The following ENTREP2 variants were observed in gnomAD, a reference collection of about 807,000 sequenced individuals.
ENTREP2 encodes endosomal transmembrane epsin interactor 2.
the ENTREP2 span, among the ~76,000 whole-genome samples, chr15:29,568,022 G>C: frequency 1.3e-5 from 2 of 152,124 alleles, no homozygotes; most frequent in Non-Finnish European, 1.5e-5. Context: ...AATCTCAGAG[G>C]GCAGGCATAT....
chr15:29,652,699 A>G, the ENTREP2 span, among the ~76,000 whole-genome samples: 2 of 152,214 alleles, frequency 1.3e-5, no homozygotes, highest in African/African-American at 4.8e-5. Context: ...GCAGCCTTGC[A>G]GAGAGCTGCT....
At chr15:29,221,581 T>C in the ENTREP2 span, among the ~76,000 whole-genome samples, 142 of 152,280 alleles carry the variant, frequency 9.3e-4, 1 homozygote, top group African/African-American at 3.3e-3. Context: ...CTGGCACTCC[T>C]GAGGCACTCT....
the ENTREP2 span, among the ~76,000 whole-genome samples, chr15:29,386,633 C>A: frequency 6.6e-6 from 1 of 152,156 alleles, no homozygotes; most frequent in Non-Finnish European, 1.5e-5. Context: ...GAATCCCTAA[C>A]CCGCAATGTA....
At chr15:29,408,415 C>A in the ENTREP2 span, among the ~76,000 whole-genome samples, 1 of 70,334 alleles carries the variant, frequency 1.4e-5, no homozygotes, top group African/African-American at 1.3e-4. Flanking sequence ...GTAACAGATC[C>A]CAAAAGGAGG....
At chr15:29,457,111 C>A in the ENTREP2 span, among the ~76,000 whole-genome samples, 5,742 of 152,274 alleles carry the variant, frequency 0.038, 388 homozygotes, top group African/African-American at 0.13. Context: ...GAAGGAACTG[C>A]CTTCCCTAGA....
At chr15:29,575,675 G>A in the ENTREP2 span, among the ~76,000 whole-genome samples, 8 of 152,138 alleles carry the variant, frequency 5.3e-5, no homozygotes, top group Non-Finnish European at 8.8e-5. Flanking sequence ...CCAGGTACAA[G>A]ATCAACACAT....
the ENTREP2 span, among the ~76,000 whole-genome samples, chr15:29,656,510 G>A: frequency 2.0e-5 from 3 of 152,128 alleles, no homozygotes; most frequent in Non-Finnish European, 4.4e-5. Flanking sequence ...TACAGGCGTG[G>A]GCCACTGTGC....
chr15:29,244,311 G>A, the ENTREP2 span, among the ~76,000 whole-genome samples: 2 of 152,204 alleles, frequency 1.3e-5, no homozygotes, highest in Non-Finnish European at 2.9e-5. Context: ...GCATCTCTCA[G>A]AAGCTGATGG....
the ENTREP2 span, among the ~76,000 whole-genome samples, chr15:29,303,063 T>A: frequency 6.6e-6 from 1 of 152,042 alleles, no homozygotes; most frequent in African/African-American, 2.4e-5. Flanking sequence ...TCGGAGCCAC[T>A]TTGCATCCAC....
the ENTREP2 span, among the ~76,000 whole-genome samples, chr15:29,309,678 AC>A: frequency 6.6e-6 from 1 of 151,754 alleles, no homozygotes; most frequent in African/African-American, 2.4e-5. Flanking sequence ...AATCTCAGCT[AC>A]TTGGGAGGCT....
At chr15:29,211,813 T>A in the ENTREP2 span, among the ~76,000 whole-genome samples, 29 of 152,218 alleles carry the variant, frequency 1.9e-4, no homozygotes, top group Non-Finnish European at 3.4e-4. Flanking sequence ...CATTTCTGCA[T>A]CCCTGGTATG....
At chr15:29,535,131 T>C in the ENTREP2 span, among the ~76,000 whole-genome samples, 23 of 152,172 alleles carry the variant, frequency 1.5e-4, no homozygotes, top group Admixed American at 1.1e-3. Context: ...AAGCCTGTAG[T>C]CCTAGCTGCT....
chr15:29,220,404 A>G, the ENTREP2 span, among the ~76,000 whole-genome samples: 2 of 152,214 alleles, frequency 1.3e-5, no homozygotes, highest in African/African-American at 2.4e-5. Flanking sequence ...ATTTATTATT[A>G]TATTTTATGC....
At chr15:29,399,955 G>A in the ENTREP2 span, among the ~76,000 whole-genome samples, 1 of 152,092 alleles carries the variant, frequency 6.6e-6, no homozygotes, top group African/African-American at 2.4e-5. Flanking sequence ...GCCATTTCAG[G>A]GTGGCAGAGG....
chr15:29,331,942 T>C, the ENTREP2 span, among the ~76,000 whole-genome samples: 12 of 152,004 alleles, frequency 7.9e-5, 1 homozygote, highest in Non-Finnish European at 1.5e-5. Context: ...CACCGAATCA[T>C]CCCCAAAACC....
At chr15:29,146,017 T>C in the ENTREP2 span, among the ~76,000 whole-genome samples, 1 of 152,204 alleles carries the variant, frequency 6.6e-6, no homozygotes. Context: ...ATATTAGCAA[T>C]GAATGATCTG....
chr15:29,291,855 GT>G, the ENTREP2 span, among the ~76,000 whole-genome samples: 2,829 of 149,478 alleles, frequency 0.019, 75 homozygotes, highest in African/African-American at 0.048. Flanking sequence ...GTTTGCATAG[GT>G]TTTTTTTTTC....
At chr15:29,399,293 C>T in the ENTREP2 span, among the ~76,000 whole-genome samples, 1 of 152,196 alleles carries the variant, frequency 6.6e-6, no homozygotes, top group Admixed American at 6.5e-5. Flanking sequence ...GAGTCCCAAC[C>T]CTTAGAAACT....
chr15:29,533,883 G>A, the ENTREP2 span, among the ~76,000 whole-genome samples: 1 of 152,014 alleles, frequency 6.6e-6, no homozygotes, highest in East Asian at 1.9e-4. Flanking sequence ...ACCCCAGTAG[G>A]CCCAAACAAT....
Sources: allele counts gnomAD v4.1 joint callset (sites outside exome capture counted in the v4.1 genomes callset), GRCh38; gene constraint gnomAD v4.1.1; transcripts MANE v1.5; gene names NCBI Gene and HGNC (gene_info 2026-07-23, HGNC 2026-07-21).